GAP43: variants seen among roughly 807,000 people sequenced by gnomAD.
GAP43 encodes neuromodulin.
Under a neutral mutation model 18.6 loss-of-function variants are expected in GAP43, and 6 were observed. The observed-to-expected ratio is 0.32, with a 90% CI of 0.18 to 0.64. The LOEUF (loss-of-function observed/expected upper bound fraction) is 0.64, where lower values mean the gene tolerates loss of function less well. Ranked by LOEUF, GAP43 falls within the 30% of genes least tolerant of loss-of-function variation. GAP43 has a pLI of 0.78. For synonymous variants in GAP43, 115 were observed against 111.4 expected, an observed-to-expected ratio of 1.03 and a Z score of -0.20; for missense variants, 292 against 295.5, an observed-to-expected ratio of 0.99 and a Z score of 0.09.
chr3:115,711,472 C>T (rs759247416), intron 2 of GAP43, among the ~76,000 whole-genome samples: 1 of 148,858 alleles, frequency 6.7e-6, no homozygotes, highest in Non-Finnish European at 1.5e-5. Flanking sequence ...TTTGGGCACA[C>T]GTGGGATTTT....
At chr3:115,640,813 C>T (rs1464344172) in intron 1 of GAP43, among the ~76,000 whole-genome samples, 4 of 151,824 alleles carry the variant, frequency 2.6e-5, no homozygotes, top group Non-Finnish European at 5.9e-5. Flanking sequence ...TGACGTTTAC[C>T]GGACACTCTC....
chr3:115,674,175 G>A (rs142081132), intron 1 of GAP43, among the ~76,000 whole-genome samples: 2 of 152,270 alleles, frequency 1.3e-5, no homozygotes, highest in South Asian at 2.1e-4. Flanking sequence ...GAGAAGAGGC[G>A]CCGAACATGT....
intron 2 of GAP43, among the ~76,000 whole-genome samples, chr3:115,686,528 A>C (rs1425397736): frequency 6.6e-6 from 1 of 152,144 alleles, no homozygotes; most frequent in Non-Finnish European, 1.5e-5. Flanking sequence ...ATCTTTTTTT[A>C]AAGGAAAGTG....
chr3:115,628,106 A>G (rs924356053), intron 1 of GAP43, among the ~76,000 whole-genome samples: 2 of 152,160 alleles, frequency 1.3e-5, no homozygotes, highest in South Asian at 2.1e-4. Flanking sequence ...AAGTTTTGCA[A>G]TTTGAGGCTT....
intron 2 of GAP43, among the ~76,000 whole-genome samples, chr3:115,686,257 CA>C (rs1194133750): frequency 6.6e-6 from 1 of 152,134 alleles, no homozygotes; most frequent in African/African-American, 2.4e-5. Context: ...AATAATGTAT[CA>C]GTGTAGAAGC....
At chr3:115,645,366 T>C (rs536941646) in intron 1 of GAP43, among the ~76,000 whole-genome samples, 1 of 152,114 alleles carries the variant, frequency 6.6e-6, no homozygotes, top group East Asian at 1.9e-4. Flanking sequence ...AGCCTTCACT[T>C]GAAGTAGTGA....
intron 2 of GAP43, among the ~76,000 whole-genome samples, chr3:115,692,751 A>G (rs1393390709): frequency 6.6e-6 from 1 of 152,122 alleles, no homozygotes; most frequent in South Asian, 2.1e-4. Flanking sequence ...ACTTCACCAT[A>G]TTATTTTTGC....
Position 115,676,283 on chromosome 3 carries a change from C to T in GAP43, c.301C>T (p.Pro101Ser). 3.7e-6 allele frequency: 6 copies of T among 1,614,122 alleles called. No homozygotes were observed. The East Asian group carries it at 1.3e-4, about 36-fold the overall frequency. The change falls in exon 2 of 3, where the codon CCC (proline) becomes TCC (serine). Residue 101 changes from proline to serine, a missense_variant. Transcript: ENST00000305124. ...AGCCACTGGCTCCAAGCCTGATGAG[C>T]CCGGCAAAGCAGGAGAAACTCCTTC... ...APATGSKPDE[P>S]GKAGETPSEE...
chr3:115,670,039 A>T, intron 1 of GAP43, among the ~76,000 whole-genome samples: 1 of 127,362 alleles, frequency 7.9e-6, no homozygotes. Flanking sequence ...GTACATGTGC[A>T]CATTGTGCAG....
intron 2 of GAP43, among the ~76,000 whole-genome samples, chr3:115,716,720 AT>A (rs1709508525): frequency 2.0e-4 from 3 of 14,930 alleles, no homozygotes; most frequent in East Asian, 1.9e-3. Flanking sequence ...TCAGACAAAT[AT>A]ATATATATAT....
chr3:115,640,965 C>CCCTT (rs139219375), intron 1 of GAP43, among the ~76,000 whole-genome samples: 24,364 of 137,294 alleles, frequency 0.18, 2,679 homozygotes, highest in East Asian at 0.4. Flanking sequence ...CTCCCTCCTT[C>CCCTT]CCTTCCTTCC....
chr3:115,700,214 C>T (rs1306006245), intron 2 of GAP43, among the ~76,000 whole-genome samples: 1 of 152,128 alleles, frequency 6.6e-6, no homozygotes, highest in Non-Finnish European at 1.5e-5. Flanking sequence ...ACAAGACCAC[C>T]ATAATAATCA....
rs554726802 is a variant in GAP43, at chr3:115,638,250, A to G, written c.30+14531A>G. 3.3e-5 allele frequency among the ~76,000 whole-genome samples: 5 copies of G among 152,182 alleles called. No individual in the cohort carries two copies. In the South Asian group the frequency reaches 1.0e-3, roughly 32 times the overall value. ...TAGCATCCCATTCCACGTAGAATCA[A>G]AACCAAACTTAATACAAGGCCTAAG... is the stretch of plus-strand genomic sequence containing the variant. On this transcript the variant is annotated intron_variant, in intron 1 of 2. Coordinates refer to ENST00000305124, the MANE Select transcript of GAP43 (RefSeq NM_002045.4).
At chr3:115,685,219 A>G (rs1709017836) in intron 2 of GAP43, among the ~76,000 whole-genome samples, 1 of 152,172 alleles carries the variant, frequency 6.6e-6, no homozygotes, top group Non-Finnish European at 1.5e-5. Flanking sequence ...AGCATTTTGC[A>G]TTATATTCAG....
chr3:115,625,644 A>T (rs1708178488), intron 1 of GAP43, among the ~76,000 whole-genome samples: 1 of 152,220 alleles, frequency 6.6e-6, no homozygotes, highest in Non-Finnish European at 1.5e-5. Flanking sequence ...TAATAAAGGA[A>T]ATCATGTATG....
chr3:115,669,044 TAAA>T (rs796593034), intron 1 of GAP43, among the ~76,000 whole-genome samples: 1 of 129,990 alleles, frequency 7.7e-6, no homozygotes. Flanking sequence ...TGACCCTGTC[TAAA>T]AAAAAAAAAA....
At chr3:115,688,579 C>T (rs1345400898) in intron 2 of GAP43, among the ~76,000 whole-genome samples, 4 of 152,152 alleles carry the variant, frequency 2.6e-5, no homozygotes, top group African/African-American at 9.7e-5. Context: ...ACTCCTTAGC[C>T]CTAGTGGACG....
intron 2 of GAP43, among the ~76,000 whole-genome samples, chr3:115,694,118 G>T (rs905325784): frequency 2.0e-5 from 3 of 152,166 alleles, no homozygotes; most frequent in African/African-American, 7.2e-5. Context: ...GCAGGGGAGG[G>T]GGGAGCAGTC....
At chr3:115,635,302 C>A (rs531075356) in intron 1 of GAP43, among the ~76,000 whole-genome samples, 1 of 152,182 alleles carries the variant, frequency 6.6e-6, no homozygotes, top group Non-Finnish European at 1.5e-5. Flanking sequence ...GCTTTGATTG[C>A]CTTTGGTTGA....
Sources: allele counts gnomAD v4.1 joint callset (sites outside exome capture counted in the v4.1 genomes callset), GRCh38; gene constraint gnomAD v4.1.1; transcripts MANE v1.5; gene names NCBI Gene and HGNC (gene_info 2026-07-23, HGNC 2026-07-21).